The following TRIM47 variants were observed in gnomAD, a reference collection of about 807,000 sequenced individuals.
TRIM47 encodes the protein tripartite motif containing 47, also known as E3 ubiquitin-protein ligase TRIM47.
Under a neutral mutation model 54.4 loss-of-function variants are expected in TRIM47, and 46 were observed. The ratio of observed to expected loss-of-function variants is 0.84; its 90% CI spans 0.67 to 1.08. The LOEUF (loss-of-function observed/expected upper bound fraction) is 1.08. Ranked by LOEUF, TRIM47 falls within the 50% of genes least tolerant of loss-of-function variation. The pLI, the probability that TRIM47 is intolerant of heterozygous loss-of-function variation, is 0.00. For synonymous variants in TRIM47, 392 were observed against 410.2 expected (o/e 0.96, Z 0.54); for missense variants, 825 against 910.1 (o/e 0.91, Z 1.20).
rs1235287038 is a variant in TRIM47 at position 75,876,339 on chromosome 17, C to T, written c.925G>A (p.Glu309Lys). 3.7e-6 allele frequency: 6 copies of T among 1,611,566 alleles called. No individual in the cohort carries two copies. In the Admixed American group the frequency reaches 5.0e-5, roughly 13 times the overall value. ...RSQGDLRRQEEQRSRLSRARQ... is the reference protein window; with the variant it reads ...RSQGDLRRQEKQRSRLSRARQ... ...GCTCGGCTCAGGCGGCTGCGCTGTTCCTCCTGTCGCCGCAGGTCACCCTGG... is the reference window on the plus strand; with the variant it reads ...GCTCGGCTCAGGCGGCTGCGCTGTTTCTCCTGTCGCCGCAGGTCACCCTGG... The change falls in exon 3 of 6, where the codon GAA (glutamate) becomes AAA (lysine). Residue 309 changes from glutamate (E) to lysine (K), a missense_variant. Physicochemically the swap from Glu to Lys is moderately conservative, Grantham distance 56 (BLOSUM62 1). Transcript: ENST00000254816.
chr17:75,876,095 A>C lies in TRIM47; in HGVS notation c.1007T>G (p.Leu336Arg), dbSNP rs2065132070. 6.2e-7 allele frequency: 1 copy of C among 1,600,466 alleles called. No homozygotes were observed. Among genetic ancestry groups the C allele is most frequent in the Non-Finnish European group, 8.5e-7 (1 of 1,179,844 alleles). ...EADSVSFLQE[L>R]LALRLALEDG... is the part of the protein sequence containing the mutation. The stretch of plus-strand genomic sequence containing the variant: ...CTCCAGGGCCAGCCTTAGTGCCAGC[A>C]GCTCCTGTGCCAGACAAATGCCCAT... Residue 336 changes from leucine (L) to arginine (R), a missense_variant, in exon 4 of 6, where the codon CTG becomes CGG. Leu to Arg is a moderately radical substitution (Grantham distance 102, BLOSUM62 -2). Transcript: ENST00000254816.
chr17:75,876,634 A>G (rs2065136931), intron 2 of TRIM47, 84 bp downstream of exon 2: 1 of 1,556,336 alleles, frequency 6.4e-7, no homozygotes, highest in South Asian at 1.2e-5. Flanking sequence ...GATCTGGGCC[A>G]GGTCAGGGGA....
intron 1 of TRIM47, chr17:75,877,291 AGT>A (rs1355325797): frequency 9.0e-5 from 15 of 166,560 alleles, no homozygotes; most frequent in African/African-American, 3.6e-4. Flanking sequence ...AGGTCTTATG[AGT>A]CACTGCTCCA....
rs2065133258 is a variant in TRIM47 at position 75,876,271 on chromosome 17, G to A, written c.993C>T (p.Ser331=). 3 of 1,605,454 alleles carry A rather than the reference G, an allele frequency of 1.9e-6. No homozygotes were observed. The highest frequency in any genetic ancestry group is 2.5e-6 in the Non-Finnish European group (3 of 1,177,636). Residue 331 remains serine (S), a synonymous_variant, in exon 3 of 6, where the codon AGC becomes AGT. Coordinates refer to ENST00000254816, the MANE Select transcript of TRIM47 (RefSeq NM_033452.3). The part of the protein sequence containing the change: ...LSQVPEADSV[S]FLQELLALRL... ...CCAGAGCGGCCTTCACCTGCAGGAA[G>A]CTGACTGAGTCAGCTTCAGGGACCT...
chr17:75,877,970 G>A lies in TRIM47; in HGVS notation c.579C>T (p.Cys193=). ...CGCACAGACACACGCGCTCCGCGCG[G>A]CAGTAGCGCTCGAGCGGCCGTAGGT... ...PRHLRPLERY[C]RAERVCLCEA... The change falls in exon 1 of 6, where the codon TGC becomes TGT. Residue 193 remains cysteine (C), a synonymous_variant. Coordinates refer to ENST00000254816, the MANE Select transcript of TRIM47 (RefSeq NM_033452.3). The A allele has an allele frequency of 6.8e-7, 1 of 1,460,516 alleles. No homozygotes were observed. Among genetic ancestry groups the A allele is most frequent in the Non-Finnish European group, 9.0e-7 (1 of 1,110,030 alleles). The allele number at this position is 1,460,516 out of a possible 1,614,324, so 90.5% of individuals were successfully genotyped here. A position where few individuals can be genotyped will look rare whatever the true frequency, so the allele number is the denominator to read the frequency against.
intron 1 of TRIM47, chr17:75,877,024 G>T (rs2065139762): frequency 1.0e-5 from 6 of 580,814 alleles, no homozygotes; most frequent in Non-Finnish European, 1.9e-5. Context: ...GGGCGTGCAG[G>T]CTGACTGGGT....
chr17:75,875,180 G>C lies in TRIM47; in HGVS notation c.1277-57C>G. 6.5e-7 allele frequency: 1 copy of C among 1,532,788 alleles called. No homozygotes were observed. Among genetic ancestry groups the C allele is most frequent in the Non-Finnish European group, 8.8e-7 (1 of 1,140,534 alleles). The allele number at this position is 1,532,788 out of a possible 1,614,324, so 94.9% of individuals were successfully genotyped here. A position where few individuals can be genotyped will look rare whatever the true frequency, so the allele number is the denominator to read the frequency against. ...CTCAGGGCCAGGCTCAGAGGGCACG[G>C]CCCCTCCCCAAGTACCCACCCCCCC... On this transcript the variant is annotated intron_variant, in intron 5 of 5. Transcript: ENST00000254816. The surrounding 1 kb of genome is among the most constrained non-coding windows in gnomAD (Gnocchi z 6.1).
In TRIM47 at chr17:75,874,359, G is replaced by A; in HGVS notation, c.*124C>T. ...AGGCTGAGTGTATAAAAAGGTGGAA[G>A]CCTCTAGAAATGAGAAGGCTGGGTG... On this transcript the variant is annotated 3_prime_UTR_variant, in exon 6 of 6. Coordinates refer to ENST00000254816, the MANE Select transcript of TRIM47 (RefSeq NM_033452.3). This position sits in a 1 kb window ranked among gnomAD's most constrained non-coding sequence, Gnocchi z 6.2. 2 of 908,844 alleles carry A rather than the reference G, an allele frequency of 2.2e-6. No homozygotes were observed. Among genetic ancestry groups the A allele is most frequent in the African/African-American group, 1.7e-5 (1 of 59,526 alleles). 56.3% of individuals were successfully genotyped at this position (908,844 alleles called of 1,614,324 possible).
rs201732610 is a variant in TRIM47, at chr17:75,874,766, G to C, written c.1634C>G (p.Ser545Trp). The stretch of plus-strand genomic sequence containing the variant: ...TTCCAGGCAGACCCCAACCGTGGGC[G>C]AGAAGGGGTGGGGCAGGGGAGCCTC... ...GLEAPLPHPF[S>W]PTVGVCLEYA... Residue 545 changes from serine (S) to tryptophan (W), a missense_variant, in exon 6 of 6, where the codon TCG (serine) becomes TGG (tryptophan). Ser to Trp is a radical substitution (Grantham distance 177). Transcript: ENST00000254816. The surrounding 1 kb of genome is among the most constrained non-coding windows in gnomAD (Gnocchi z 6.2). 6.2e-7 allele frequency: 1 copy of C among 1,613,908 alleles called. No homozygotes were observed. Among genetic ancestry groups the C allele is most frequent in the Non-Finnish European group, 8.5e-7 (1 of 1,180,034 alleles).
chr17:75,875,183 C>G lies in TRIM47; in HGVS notation c.1277-60G>C. The G allele has an allele frequency of 6.5e-7, 1 of 1,529,960 alleles. No individual in the cohort carries two copies. Among genetic ancestry groups the G allele is most frequent in the Non-Finnish European group, 8.8e-7 (1 of 1,139,098 alleles). 94.8% of individuals were successfully genotyped at this position (1,529,960 alleles called of 1,614,324 possible). ...AGGGCCAGGCTCAGAGGGCACGGCC[C>G]CTCCCCAAGTACCCACCCCCCCAAA... On this transcript the variant is annotated intron_variant, in intron 5 of 5. Coordinates refer to ENST00000254816, the MANE Select transcript of TRIM47 (RefSeq NM_033452.3). This position sits in a 1 kb window ranked among gnomAD's most constrained non-coding sequence, Gnocchi z 6.1.
At chr17:75,877,694 C>G (rs2065143633) in intron 1 of TRIM47, 180 bp downstream of exon 1, 2 of 1,235,132 alleles carry the variant, frequency 1.6e-6, no homozygotes, top group Admixed American at 4.2e-5. Flanking sequence ...TCCTCCCTTC[C>G]CATCTCCATC....
rs2065128870 is a variant in TRIM47 at position 75,875,666 on chromosome 17, C to T, written c.1202-192G>A. The T allele has an allele frequency of 1.1e-5, 8 of 713,390 alleles. No individual in the cohort carries two copies. The highest frequency in any genetic ancestry group is 1.7e-5 in the South Asian group (1 of 57,478). The allele number at this position is 713,390 out of a possible 1,614,324, so 44.2% of individuals were successfully genotyped here. A position where few individuals can be genotyped will look rare whatever the true frequency, so the allele number is the denominator to read the frequency against. On this transcript the variant is annotated intron_variant, in intron 4 of 5. Coordinates refer to ENST00000254816, the MANE Select transcript of TRIM47 (RefSeq NM_033452.3). The surrounding 1 kb of genome is among the most constrained non-coding windows in gnomAD (Gnocchi z 6.1). ...TCTGCCTCTTGCCCCATGTGCTTCC[C>T]GGGCCACAGCCCTCTGGAGCTAGAG...
At chr17:75,877,013 G>T in intron 1 of TRIM47, 200 bp from the exon 2 acceptor site, 1 of 591,784 alleles carries the variant, frequency 1.7e-6, no homozygotes, top group East Asian at 2.8e-5. Flanking sequence ...GAACGCCTGG[G>T]GGGCGTGCAG....
In TRIM47 at chr17:75,875,592, C is replaced by T; in HGVS notation, c.1202-118G>A. 1.1e-6 allele frequency: 1 copy of T among 928,982 alleles called. No individual in the cohort carries two copies. The highest frequency in any genetic ancestry group is 1.7e-6 in the Non-Finnish European group (1 of 581,638). The allele number at this position is 928,982 out of a possible 1,614,324, so 57.5% of individuals were successfully genotyped here. A position where few individuals can be genotyped will look rare whatever the true frequency, so the allele number is the denominator to read the frequency against. The stretch of plus-strand genomic sequence containing the variant: ...GTCCAGAGCCACCAGGGAGCAAGCA[C>T]CACCCAGATGTGGCACGCTGTGCTC... On this transcript the variant is annotated intron_variant, in intron 4 of 5. Coordinates refer to ENST00000254816, the MANE Select transcript of TRIM47 (RefSeq NM_033452.3). The surrounding 1 kb of genome is among the most constrained non-coding windows in gnomAD (Gnocchi z 6.1).
rs4600514 is a variant in TRIM47, at chr17:75,877,990, G to A, written c.559C>T (p.Arg187Trp). The change falls in exon 1 of 6, where the codon CGG becomes TGG. Residue 187 changes from arginine (R) to tryptophan (W), a missense_variant. Arg to Trp is a moderately radical substitution (Grantham distance 101, BLOSUM62 -3). Transcript: ENST00000254816. ...GCGCGGCAGTAGCGCTCGAGCGGCCGTAGGTGGCGCGGGCACAGGCTCTCC... is the reference window on the plus strand; with the variant it reads ...GCGCGGCAGTAGCGCTCGAGCGGCCATAGGTGGCGCGGGCACAGGCTCTCC... ...LEESLCPRHLRPLERYCRAER... is the reference protein window; with the variant it reads ...LEESLCPRHLWPLERYCRAER... 223,649 of 1,466,236 alleles carry A rather than the reference G, an allele frequency of 0.15. 19,361 individuals carry two copies. The highest frequency in any genetic ancestry group is 0.37 in the African/African-American group (25,007 of 68,096). 90.8% of individuals were successfully genotyped at this position (1,466,236 alleles called of 1,614,324 possible).
chr17:75,877,167 G>A (rs1477565643), intron 1 of TRIM47: 2 of 313,616 alleles, frequency 6.4e-6, no homozygotes, highest in Non-Finnish European at 1.2e-5. Flanking sequence ...GGAGGTGGGC[G>A]GCGGAGGGGT....
At chr17:75,877,573 A>C in intron 1 of TRIM47, 1 of 850,470 alleles carries the variant, frequency 1.2e-6, no homozygotes, top group Non-Finnish European at 1.5e-6. Context: ...CGCTACCGGA[A>C]CCCCGCGGGC....
In TRIM47 at chr17:75,875,579, C is replaced by G. The variant is rs1599435905; in HGVS notation, c.1202-105G>C. The G allele has an allele frequency of 2.8e-6, 3 of 1,067,332 alleles. No individual in the cohort carries two copies. Among genetic ancestry groups the G allele is most frequent in the East Asian group, 2.5e-5 (1 of 40,536 alleles). 66.1% of individuals were successfully genotyped at this position (1,067,332 alleles called of 1,614,324 possible). On this transcript the variant is annotated intron_variant, in intron 4 of 5. Coordinates refer to ENST00000254816, the MANE Select transcript of TRIM47 (RefSeq NM_033452.3). The surrounding 1 kb of genome is among the most constrained non-coding windows in gnomAD (Gnocchi z 6.1). ...ACTTCCTCCCAGAGTCCAGAGCCAC[C>G]AGGGAGCAAGCACCACCCAGATGTG... is the stretch of plus-strand genomic sequence containing the variant.
rs1263814484 is a variant in TRIM47, at chr17:75,874,450, C to T, written c.*33G>A. On this transcript the variant is annotated 3_prime_UTR_variant, in exon 6 of 6. Coordinates refer to ENST00000254816, the MANE Select transcript of TRIM47 (RefSeq NM_033452.3). This position sits in a 1 kb window ranked among gnomAD's most constrained non-coding sequence, Gnocchi z 6.2. ...GCCCAGAGGAGGCAGCTTCCTGGAGCAGAGACGGCAGCAGGAGCGCCCGTG... is the reference window on the plus strand; with the variant it reads ...GCCCAGAGGAGGCAGCTTCCTGGAGTAGAGACGGCAGCAGGAGCGCCCGTG... 2 of 1,484,796 alleles carry T rather than the reference C, an allele frequency of 1.3e-6. No individual in the cohort carries two copies. The highest frequency in any genetic ancestry group is 1.8e-6 in the Non-Finnish European group (2 of 1,117,830). 92.0% of individuals were successfully genotyped at this position (1,484,796 alleles called of 1,614,324 possible).
Sources: allele counts gnomAD v4.1 joint callset, GRCh38; gene constraint gnomAD v4.1.1; non-coding constraint Gnocchi (gnomAD v3.1); transcripts MANE v1.5; gene names NCBI Gene and HGNC (gene_info 2026-07-23, HGNC 2026-07-21).